Variants in NR2C2 observed in about 807,000 individuals in gnomAD.
NR2C2 encodes Nuclear hormone receptor TR4.
Under a neutral mutation model 62.9 loss-of-function variants are expected in NR2C2, and 6 were observed. The ratio of observed to expected loss-of-function variants is 0.10; its 90% CI spans 0.05 to 0.19. The LOEUF (loss-of-function observed/expected upper bound fraction) is 0.19, where lower values mean the gene tolerates loss of function less well. Among genes scored for constraint, NR2C2 ranks in the 10% least tolerant of loss-of-function variants. The pLI is 1.00. For missense variants in NR2C2, 479 were observed against 762.7 expected (o/e 0.63, Z 4.38); for synonymous variants, 272 against 273.8 (o/e 0.99, Z 0.07).
At chr3:14,992,061 T>C (rs2040688404) in intron 1 of NR2C2, among the ~76,000 whole-genome samples, 1 of 152,140 alleles carries the variant, frequency 6.6e-6, no homozygotes, top group Non-Finnish European at 1.5e-5. Flanking sequence ...CATGAGCCGC[T>C]GCACCTGGCC....
intron 1 of NR2C2, among the ~76,000 whole-genome samples, chr3:14,999,072 T>G (rs189846940): frequency 6.6e-6 from 1 of 152,286 alleles, no homozygotes; most frequent in East Asian, 1.9e-4. Context: ...ATCCCAGCAC[T>G]TTGGGAGGCC....
chr3:15,016,225 A>T lies in NR2C2; in HGVS notation c.347A>T (p.Tyr116Phe), dbSNP rs752179690. The change falls in exon 4 of 14, where the codon TAC becomes TTC. Residue 116 changes from tyrosine (Y) to phenylalanine (F), a missense_variant. Tyr to Phe is a conservative substitution (Grantham distance 22, BLOSUM62 3). Coordinates refer to ENST00000425241, the MANE Select transcript of NR2C2 (RefSeq NM_001291694.2). ...TDVQRPQVVEYCVVCGDKASG... is the reference protein window; with the variant it reads ...TDVQRPQVVEFCVVCGDKASG... ...GTCCAGCGGCCCCAGGTGGTAGAGT[A>T]CTGTGTGGTCTGTGGCGACAAAGCC... 15 of 1,613,910 alleles carry T rather than the reference A, an allele frequency of 9.3e-6. No homozygotes were observed. In the East Asian group the frequency reaches 3.3e-4, roughly 36 times the overall value.
Position 15,039,193 on chromosome 3 carries a change from T to C in NR2C2, c.1582T>C (p.Tyr528His), listed in dbSNP as rs1422880797. Residue 528 changes from tyrosine (Y) to histidine (H), a missense_variant, in exon 13 of 14, where the codon TAT becomes CAT. Physicochemically the swap from Tyr to His is moderately conservative, Grantham distance 83. This residue lies in a region of NR2C2 where 162 missense variants were observed against 296.8 expected (regional missense o/e 0.55). Transcript: ENST00000425241. ...AAAGGCACAGATGGAGTTGCAGGAC[T>C]ATGTTCAGAAAACCTACTCAGAAGA... ...QEKAQMELQD[Y>H]VQKTYSEDTY... 8 of 1,613,946 alleles carry C rather than the reference T, an allele frequency of 5.0e-6. No homozygotes were observed. Among genetic ancestry groups the C allele is most frequent in the Non-Finnish European group, 6.8e-6 (8 of 1,179,952 alleles).
intron 1 of NR2C2, among the ~76,000 whole-genome samples, chr3:14,996,129 A>C (rs2040826424): frequency 6.6e-6 from 1 of 152,132 alleles, no homozygotes; most frequent in Non-Finnish European, 1.5e-5. Flanking sequence ...TTTCTTTTTC[A>C]CTTTCTTACC....
intron 1 of NR2C2, among the ~76,000 whole-genome samples, chr3:14,951,517 C>G (rs1288760647): frequency 1.3e-5 from 2 of 151,616 alleles, no homozygotes; most frequent in Non-Finnish European, 2.9e-5. Context: ...CTGTCTTGCT[C>G]AAAGATTTTT....
intron 1 of NR2C2, among the ~76,000 whole-genome samples, chr3:14,992,681 A>T (rs1249012419): frequency 6.6e-6 from 1 of 152,156 alleles, no homozygotes; most frequent in African/African-American, 2.4e-5. Flanking sequence ...GGCTTTTATT[A>T]AATTATTTAG....
At chr3:14,989,924 C>CAAAAAAAA (rs34980642) in intron 1 of NR2C2, among the ~76,000 whole-genome samples, 1 of 51,008 alleles carries the variant, frequency 2.0e-5, no homozygotes, top group Non-Finnish European at 3.7e-5. Flanking sequence ...GACTCCATCT[C>CAAAAAAAA]AAAAAAAAAA....
chr3:14,976,602 C>CTTTTTTTTTTTTTTTTTTTTTTTTT (rs533538010), intron 1 of NR2C2, among the ~76,000 whole-genome samples: 2 of 90,740 alleles, frequency 2.2e-5, no homozygotes, highest in Admixed American at 1.2e-4. Flanking sequence ...TCCTTCCTTC[C>CTTTTTTTTTTTTTTTTTTTTTTTTT]TTTTTTTTTT....
intron 4 of NR2C2, among the ~76,000 whole-genome samples, chr3:15,018,838 A>C (rs1359060580): frequency 6.6e-6 from 1 of 151,902 alleles, no homozygotes; most frequent in Non-Finnish European, 1.5e-5. Flanking sequence ...CCAACATGGT[A>C]AAACCGTCTC....
chr3:14,976,838 T>C (rs982608055), intron 1 of NR2C2, among the ~76,000 whole-genome samples: 1 of 152,178 alleles, frequency 6.6e-6, no homozygotes, highest in Non-Finnish European at 1.5e-5. Context: ...TTGTGTATAA[T>C]AGTCAGTGCC....
intron 2 of NR2C2, among the ~76,000 whole-genome samples, chr3:15,009,389 G>GT (rs1183978710): frequency 1.3e-5 from 2 of 152,182 alleles, no homozygotes; most frequent in Non-Finnish European, 2.9e-5. Context: ...TGTGCACTGA[G>GT]TATCCCTGCA....
intron 9 of NR2C2, 125 bp from the exon 10 acceptor site, chr3:15,032,254 C>T: frequency 7.4e-7 from 1 of 1,355,438 alleles, no homozygotes; most frequent in East Asian, 2.3e-5. Flanking sequence ...CTGCATGGGA[C>T]TTCAGAATCA....
In NR2C2 at chr3:15,000,180, G is replaced by A. The variant is rs529265866; in HGVS notation, c.-39-3696G>A. On this transcript the variant is annotated intron_variant, in intron 1 of 13. Coordinates refer to ENST00000425241, the MANE Select transcript of NR2C2 (RefSeq NM_001291694.2). ...TGACTTTCATCTCCCCATTCCCCCT[G>A]CCCCTCAGCCTCTGTTAACTACCAT... Among the ~76,000 whole-genome samples, 4 of 151,926 alleles carry A rather than the reference G, an allele frequency of 2.6e-5. No individual in the cohort carries two copies. The South Asian group carries it at 8.3e-4, about 32-fold the overall frequency.
intron 3 of NR2C2, 90 bp downstream of exon 3, chr3:15,013,879 C>T: frequency 1.4e-6 from 2 of 1,379,858 alleles, no homozygotes; most frequent in Non-Finnish European, 2.0e-6. Flanking sequence ...AGGCCAAATC[C>T]ATCCCTGGAA....
chr3:15,004,690 C>T, intron 2 of NR2C2: 8 of 1,510,792 alleles, frequency 5.3e-6, no homozygotes, highest in Middle Eastern at 1.7e-4. Context: ...ATTGTTATCT[C>T]AACAAGCTGA....
At chr3:14,984,204 A>G (rs905889541) in intron 1 of NR2C2, among the ~76,000 whole-genome samples, 6 of 152,078 alleles carry the variant, frequency 3.9e-5, no homozygotes, top group African/African-American at 1.4e-4. Context: ...TCTATTTTTA[A>G]TGTTTGAAGT....
At chr3:15,040,544 C>T (rs2042229499) in intron 13 of NR2C2, among the ~76,000 whole-genome samples, 1 of 152,136 alleles carries the variant, frequency 6.6e-6, no homozygotes, top group African/African-American at 2.4e-5. Flanking sequence ...AATGATTTTG[C>T]CCCCCAGCAG....
In NR2C2 at chr3:15,044,040, GAGCGT is replaced by G. The variant is rs2042364303; in HGVS notation, c.*1033_*1037del. 5 of 152,202 alleles carry G rather than the reference GAGCGT, an allele frequency of 3.3e-5. No homozygotes were observed. The highest frequency in any genetic ancestry group is 3.3e-4 in the Admixed American group (5 of 15,270). 9.4% of individuals were successfully genotyped at this position (152,202 alleles called of 1,614,324 possible). On this transcript the variant is annotated 3_prime_UTR_variant, in exon 14 of 14. Coordinates refer to ENST00000425241, the MANE Select transcript of NR2C2 (RefSeq NM_001291694.2). ...ATGGAGGAGTGTGGCCTTGGAGTGTGAGCGTTACCTTCCCAGGGCTTTCCACTCCA... is the reference window on the plus strand; with the variant it reads ...ATGGAGGAGTGTGGCCTTGGAGTGTGTACCTTCCCAGGGCTTTCCACTCCA...
chr3:15,008,441 G>C (rs2041254314), intron 2 of NR2C2, among the ~76,000 whole-genome samples: 2 of 151,886 alleles, frequency 1.3e-5, no homozygotes, highest in African/African-American at 4.8e-5. Context: ...AGGATCACTT[G>C]AGGCTGAGAG....
Sources: allele counts gnomAD v4.1 joint callset (sites outside exome capture counted in the v4.1 genomes callset), GRCh38; gene constraint gnomAD v4.1.1; regional missense constraint gnomAD v4.1.1; transcripts MANE v1.5; gene names NCBI Gene and HGNC (gene_info 2026-07-23, HGNC 2026-07-21).